The following TMEM164 variants were observed in gnomAD, a reference collection of about 807,000 sequenced individuals.
TMEM164 encodes the protein RP13-360B22.2.
TMEM164 carries 4 observed loss-of-function variants against 18.8 expected under a neutral mutation model. The observed-to-expected ratio is 0.21, with a 90% CI of 0.10 to 0.49. The LOEUF is 0.49. Ranked by LOEUF, TMEM164 falls within the 20% of genes least tolerant of loss-of-function variation. The pLI is 0.98. For missense variants in TMEM164, 108 were observed against 239.9 expected (o/e 0.45, Z 3.63); for synonymous variants, 86 against 101.7 (o/e 0.85, Z 0.93).
chrX:110,053,803 A>T (rs1292786698), intron 2 of TMEM164, among the ~76,000 whole-genome samples: 1 of 111,743 alleles, frequency 8.9e-6, no homozygotes, highest in African/African-American at 3.3e-5. Flanking sequence ...CCTCTCTTAA[A>T]TGGGTCAGAG....
chrX:110,086,594 ATATATGTGTATATATG>A (rs2065855345), intron 3 of TMEM164, among the ~76,000 whole-genome samples: 1 of 140 alleles, frequency 7.1e-3, no homozygotes, highest in Non-Finnish European at 0.016. Context: ...ATATATATGT[ATATATGTGTATATATG>A]TATATATGTG....
At chrX:110,041,675 A>G (rs916003900) in intron 2 of TMEM164, among the ~76,000 whole-genome samples, 1 of 112,293 alleles carries the variant, frequency 8.9e-6, no homozygotes, top group Admixed American at 9.5e-5. Flanking sequence ...TATTTCTAGT[A>G]TCCATTGTTG....
intron 5 of TMEM164, among the ~76,000 whole-genome samples, chrX:110,168,259 T>C (rs767540430): frequency 8.8e-6 from 1 of 113,159 alleles, no homozygotes; most frequent in Non-Finnish European, 1.9e-5. Context: ...CAGACAGGAA[T>C]GTGTGCATGC....
intron 3 of TMEM164, among the ~76,000 whole-genome samples, chrX:110,074,628 T>G (rs1015316329): frequency 8.9e-6 from 1 of 112,075 alleles, no homozygotes; most frequent in African/African-American, 3.2e-5. Context: ...TTGAGTTAAT[T>G]TTTGTATATC....
chrX:110,154,576 C>G (rs1397092570), intron 5 of TMEM164, among the ~76,000 whole-genome samples: 1 of 111,397 alleles, frequency 9.0e-6, no homozygotes, highest in African/African-American at 3.3e-5. Flanking sequence ...CATGCTGCCA[C>G]GCCCGGCTAG....
intron 3 of TMEM164, among the ~76,000 whole-genome samples, chrX:110,102,655 T>C (rs1004727554): frequency 8.9e-6 from 1 of 112,247 alleles, no homozygotes; most frequent in African/African-American, 3.2e-5. Flanking sequence ...GGCACTACAT[T>C]GATCACTTTA....
In TMEM164 at chrX:110,167,387, T is replaced by C. The variant is rs138968951; in HGVS notation, c.587-4033T>C. Among the ~76,000 whole-genome samples, 42 of 112,115 alleles carry C rather than the reference T, an allele frequency of 3.7e-4. No homozygotes were observed. The East Asian group carries it at 0.011, about 29-fold the overall frequency. The stretch of plus-strand genomic sequence containing the variant: ...TTTGTTTTTAAACTACTAAGCTGTA[T>C]TTTCTGCCATTTGTGTACTGCCTGG... On this transcript the variant is annotated intron_variant, in intron 5 of 6. Transcript: ENST00000372068.
At chrX:110,134,298 G>A (rs1602684113) in intron 4 of TMEM164, among the ~76,000 whole-genome samples, 1 of 110,625 alleles carries the variant, frequency 9.0e-6, no homozygotes, top group Non-Finnish European at 1.9e-5. Context: ...GCCTGTAATC[G>A]CAGCACTTTG....
intron 5 of TMEM164, among the ~76,000 whole-genome samples, chrX:110,166,340 C>T (rs567764815): frequency 8.3e-4 from 93 of 112,595 alleles, no homozygotes; most frequent in East Asian, 8.3e-4. Flanking sequence ...CACTTGTAAA[C>T]GCAGGTAGTT....
intron 2 of TMEM164, among the ~76,000 whole-genome samples, chrX:110,025,248 C>T (rs1273618359): frequency 9.0e-6 from 1 of 111,661 alleles, no homozygotes; most frequent in Non-Finnish European, 1.9e-5. Flanking sequence ...AACAGGTGGG[C>T]TCTGATGGCA....
chrX:110,016,804 G>A (rs780800842), intron 2 of TMEM164, among the ~76,000 whole-genome samples: 8 of 110,338 alleles, frequency 7.3e-5, no homozygotes, highest in Non-Finnish European at 1.5e-4. Context: ...CCACAGGCAC[G>A]CATCACCACG....
At chrX:110,041,660 T>C (rs1935098019) in intron 2 of TMEM164, among the ~76,000 whole-genome samples, 2 of 112,223 alleles carry the variant, frequency 1.8e-5, no homozygotes, top group Admixed American at 9.5e-5. Flanking sequence ...GTTTCCCTAA[T>C]GAAATATTTC....
At chrX:110,143,543 C>T (rs927123109) in intron 4 of TMEM164, among the ~76,000 whole-genome samples, 10 of 111,167 alleles carry the variant, frequency 9.0e-5, no homozygotes, top group African/African-American at 2.0e-4. Flanking sequence ...AATTATTTTC[C>T]GTGTGGATTT....
intron 2 of TMEM164, among the ~76,000 whole-genome samples, chrX:110,025,000 G>GTA (rs1934117999): frequency 9.1e-6 from 1 of 109,378 alleles, no homozygotes; most frequent in Non-Finnish European, 1.9e-5. Context: ...GGGTGTGTGT[G>GTA]TGTGTGTGTG....
chrX:110,075,507 G>A (rs1236924861), intron 3 of TMEM164, among the ~76,000 whole-genome samples: 1 of 111,393 alleles, frequency 9.0e-6, no homozygotes, highest in Non-Finnish European at 1.9e-5. Flanking sequence ...GAATAGGAAT[G>A]GTGAGAGCGG....
intron 3 of TMEM164, among the ~76,000 whole-genome samples, chrX:110,074,148 G>GA (rs1602573947): frequency 9.0e-6 from 1 of 111,243 alleles, no homozygotes; most frequent in Non-Finnish European, 1.9e-5. Flanking sequence ...AAAGTGGGGG[G>GA]ATTACAGGAG....
At chrX:110,091,752 CT>C in intron 3 of TMEM164, among the ~76,000 whole-genome samples, 1 of 111,971 alleles carries the variant, frequency 8.9e-6, no homozygotes, top group South Asian at 3.7e-4. Context: ...GTTGCCATTG[CT>C]TTTGGTGTTT....
At chrX:110,024,129 T>C (rs1417455884) in intron 2 of TMEM164, among the ~76,000 whole-genome samples, 3 of 112,660 alleles carry the variant, frequency 2.7e-5, no homozygotes, top group Non-Finnish European at 5.6e-5. Context: ...GAAACACAAA[T>C]GTGGAGAGAA....
intron 2 of TMEM164, among the ~76,000 whole-genome samples, chrX:110,015,550 AGTGT>A (rs200228472): frequency 0.01 from 1,024 of 99,561 alleles, 15 homozygotes; most frequent in African/African-American, 0.031. Context: ...CAGGAACTTG[AGTGT>A]GTGTGTGTGT....
Sources: allele counts gnomAD v4.1 joint callset (sites outside exome capture counted in the v4.1 genomes callset), GRCh38; gene constraint gnomAD v4.1.1; transcripts MANE v1.5; gene names NCBI Gene and HGNC (gene_info 2026-07-23, HGNC 2026-07-21).